PCDH7: variants seen among roughly 807,000 people sequenced by gnomAD.
The protein encoded by PCDH7 is protocadherin 7.
PCDH7 carries 17 observed loss-of-function variants against 58.9 expected under a neutral mutation model. That is an observed-to-expected ratio of 0.29 (90% confidence interval 0.20 to 0.43). PCDH7 has a LOEUF of 0.43. Ranked by LOEUF, PCDH7 falls within the 20% of genes least tolerant of loss-of-function variation. The pLI, the probability that PCDH7 is intolerant of heterozygous loss-of-function variation, is 1.00. For missense variants in PCDH7, 1,274 were observed against 1,441.0 expected (o/e 0.88, Z 1.88); for synonymous variants, 664 against 616.4 (o/e 1.08, Z -1.14).
chr4:31,017,561 G>C (rs1287980130), intron 3 of PCDH7, among the ~76,000 whole-genome samples: 2 of 151,958 alleles, frequency 1.3e-5, no homozygotes, highest in African/African-American at 4.8e-5. Context: ...CTGATATGAA[G>C]ATTCATTTGA....
chr4:31,099,587 C>A (rs569529056), intron 3 of PCDH7, among the ~76,000 whole-genome samples: 3 of 152,294 alleles, frequency 2.0e-5, no homozygotes, highest in East Asian at 3.9e-4. Flanking sequence ...TTATTGCTAA[C>A]TGTGTCAGGC....
chr4:31,070,881 T>G (rs190850376), intron 3 of PCDH7, among the ~76,000 whole-genome samples: 60 of 152,216 alleles, frequency 3.9e-4, no homozygotes, highest in Non-Finnish European at 6.6e-4. Context: ...AGGTATTTGT[T>G]AATGCAGTGC....
chr4:30,863,591 C>T (rs754346255), intron 1 of PCDH7, among the ~76,000 whole-genome samples: 3 of 152,016 alleles, frequency 2.0e-5, no homozygotes, highest in Non-Finnish European at 2.9e-5. Flanking sequence ...TGCCTCCTGA[C>T]GTATCTTACA....
At chr4:31,102,059 G>A (rs1465278684) in intron 3 of PCDH7, among the ~76,000 whole-genome samples, 1 of 152,152 alleles carries the variant, frequency 6.6e-6, no homozygotes, top group African/African-American at 2.4e-5. Context: ...GTAACAGAGA[G>A]TGATTTAAAA....
rs556794547 is a variant in PCDH7 at position 30,964,794 on chromosome 4, T to C, written c.*7+14579T>C. The stretch of plus-strand genomic sequence containing the variant: ...ATTCATGTACAAACTAAAAAGTCCT[T>C]TCCCTTTTCCACATTTTACAGGTGA... On this transcript the variant is annotated intron_variant, in intron 3 of 3. Coordinates refer to the PCDH7 transcript ENST00000509759. Among the ~76,000 whole-genome samples, 3 of 152,280 alleles carry C rather than the reference T, an allele frequency of 2.0e-5. No individual in the cohort carries two copies. The East Asian group carries it at 5.8e-4, about 29-fold the overall frequency.
At chr4:30,847,084 C>G (rs530767039) in intron 1 of PCDH7, among the ~76,000 whole-genome samples, 21 of 152,012 alleles carry the variant, frequency 1.4e-4, no homozygotes, top group Middle Eastern at 3.4e-3. Flanking sequence ...GATCATACCA[C>G]TGTACTCCAG....
intron 3 of PCDH7, among the ~76,000 whole-genome samples, chr4:30,969,921 G>T (rs541055133): frequency 2.1e-4 from 32 of 152,204 alleles, no homozygotes; most frequent in African/African-American, 7.0e-4. Flanking sequence ...AATTAAAGAG[G>T]TAAGTATTAT....
At chr4:30,789,433 T>A (rs140856345) in intron 1 of PCDH7, among the ~76,000 whole-genome samples, 75 of 152,290 alleles carry the variant, frequency 4.9e-4, no homozygotes, top group Non-Finnish European at 9.7e-4. Context: ...ACTCTCTGCT[T>A]TAGAAGAAGC....
intron 1 of PCDH7, among the ~76,000 whole-genome samples, chr4:30,908,101 G>A (rs1183248724): frequency 3.3e-5 from 5 of 152,016 alleles, no homozygotes; most frequent in Non-Finnish European, 5.9e-5. Flanking sequence ...GCCGGTTCGG[G>A]GGTGAGGGGC....
In PCDH7 at chr4:30,722,782, G is replaced by T. The variant is rs748828663; in HGVS notation, c.1360G>T (p.Glu454Ter). The T allele has an allele frequency of 6.2e-7, 1 of 1,613,648 alleles. No individual in the cohort carries two copies. The highest frequency in any genetic ancestry group is 2.2e-5 in the East Asian group (1 of 44,876). The change falls in exon 1 of 2, where the codon GAG becomes TAG. Residue 454 changes from glutamate (E) to a stop codon, truncating the protein, a stop_gained. Coordinates refer to ENST00000361762, the Ensembl canonical transcript of PCDH7. LOFTEE classifies it high-confidence loss of function. This position sits in a 1 kb window ranked among gnomAD's most constrained non-coding sequence, Gnocchi z 7.6. ...GCAGGTGTCCGACCGAGACCAAGGCGAGAACGGGGTGGTCACCTGCACCGT... is the reference window on the plus strand; with the variant it reads ...GCAGGTGTCCGACCGAGACCAAGGCTAGAACGGGGTGGTCACCTGCACCGT...
chr4:30,786,539 G>T lies in PCDH7; in HGVS notation c.70+61943G>T, dbSNP rs1485166184. Among the ~76,000 whole-genome samples the T allele has an allele frequency of 2.6e-5, 4 of 151,888 alleles. No individual in the cohort carries two copies. The East Asian group carries it at 7.8e-4, about 29-fold the overall frequency. ...GCTGTATTGATTTAGATGCCTCAGGGTTGTTAATTGTAGTGAGGACTGTTA... is the reference window on the plus strand; with the variant it reads ...GCTGTATTGATTTAGATGCCTCAGGTTTGTTAATTGTAGTGAGGACTGTTA... On this transcript the variant is annotated intron_variant, in intron 1 of 3. Transcript: ENST00000509759.
intron 1 of PCDH7, among the ~76,000 whole-genome samples, chr4:30,895,395 T>C (rs73812659): frequency 0.014 from 2,156 of 152,184 alleles, 44 homozygotes; most frequent in African/African-American, 0.049. Flanking sequence ...CTCCAAAATA[T>C]CAACTTAATA....
At chr4:30,880,803 C>A (rs903004271) in intron 1 of PCDH7, among the ~76,000 whole-genome samples, 2 of 152,052 alleles carry the variant, frequency 1.3e-5, no homozygotes, top group African/African-American at 4.8e-5. Flanking sequence ...TTATGGTAAA[C>A]CAAACACAGA....
chr4:30,876,893 T>C (rs1379939521), intron 1 of PCDH7, among the ~76,000 whole-genome samples: 3 of 152,028 alleles, frequency 2.0e-5, no homozygotes, highest in Non-Finnish European at 4.4e-5. Flanking sequence ...GTCCTAATGC[T>C]CTCTGTCCCC....
intron 1 of PCDH7, among the ~76,000 whole-genome samples, chr4:30,849,539 A>T (rs1291950466): frequency 6.6e-6 from 1 of 152,126 alleles, no homozygotes; most frequent in Non-Finnish European, 1.5e-5. Flanking sequence ...GTGTGTGTCT[A>T]TGAGTTAGGT....
intron 1 of PCDH7, among the ~76,000 whole-genome samples, chr4:30,764,121 A>C (rs1445254974): frequency 6.6e-6 from 1 of 152,232 alleles, no homozygotes; most frequent in Non-Finnish European, 1.5e-5. Flanking sequence ...AGTAAGACAT[A>C]CATATTTCAA....
At chr4:31,139,182 T>A (rs528292204) in intron 3 of PCDH7, among the ~76,000 whole-genome samples, 1 of 152,226 alleles carries the variant, frequency 6.6e-6, no homozygotes, top group Admixed American at 6.5e-5. Flanking sequence ...TCTCAAGGTT[T>A]GATATGATTG....
At chr4:30,724,980 C>T in intron 1 of PCDH7, 2 of 1,023,594 alleles carry the variant, frequency 2.0e-6, no homozygotes, top group Non-Finnish European at 2.4e-6. Context: ...TGGATAATTA[C>T]ATCCAGAGAA....
chr4:30,863,815 C>T (rs961922625), intron 1 of PCDH7, among the ~76,000 whole-genome samples: 3 of 151,848 alleles, frequency 2.0e-5, no homozygotes, highest in Non-Finnish European at 4.4e-5. Context: ...TTTCCAACCC[C>T]CAAGAGAATA....
Sources: gnomAD v4.1 joint callset for allele counts (sites outside exome capture counted in the v4.1 genomes callset) on GRCh38, gnomAD v4.1.1 for gene constraint, Gnocchi (gnomAD v3.1) non-coding constraint, MANE v1.5 for transcripts, NCBI Gene and HGNC (gene_info 2026-07-23, HGNC 2026-07-21) for gene names.